The following SLC4A5 variants were observed in gnomAD, a reference collection of about 807,000 sequenced individuals.
SLC4A5 encodes solute carrier family 4 member 5.
Under a neutral mutation model 120.4 loss-of-function variants are expected in SLC4A5, and 96 were observed. The ratio of observed to expected loss-of-function variants is 0.80; its 90% CI spans 0.68 to 0.94. The LOEUF (loss-of-function observed/expected upper bound fraction) is 0.94. Among genes scored for constraint, SLC4A5 ranks in the 40% least tolerant of loss-of-function variants. The probability of loss-of-function intolerance (pLI) is 0.00; values close to 1 mark genes in which losing one functional copy is unlikely to be tolerated. For missense variants in SLC4A5, 1,259 were observed against 1,459.5 expected (o/e 0.86, Z 2.24); for synonymous variants, 550 against 571.1 (o/e 0.96, Z 0.53).
intron 24 of SLC4A5, among the ~76,000 whole-genome samples, chr2:74,232,079 T>C (rs538596541): frequency 6.6e-5 from 10 of 152,044 alleles, no homozygotes; most frequent in African/African-American, 2.4e-4. Context: ...TCTGGAGGAA[T>C]AGAGACTGAG....
intron 7 of SLC4A5, among the ~76,000 whole-genome samples, chr2:74,298,506 C>T (rs1672393088): frequency 6.6e-6 from 1 of 152,162 alleles, no homozygotes; most frequent in South Asian, 2.1e-4. Flanking sequence ...TAACATTGGT[C>T]TTGGCAGTGA....
chr2:74,244,332 T>C (rs550813885), intron 19 of SLC4A5, among the ~76,000 whole-genome samples: 1 of 152,134 alleles, frequency 6.6e-6, no homozygotes, highest in Non-Finnish European at 1.5e-5. Context: ...TCAATATACA[T>C]CTGCTTGGAC....
exon 21 of SLC4A5, chr2:74,239,487 T>C (rs1233530020): frequency 3.1e-6 from 5 of 1,613,760 alleles, no homozygotes; most frequent in Non-Finnish European, 4.2e-6. Flanking sequence ...AGACACTCCT[T>C]CTTGCTCAGC....
chr2:74,317,620 A>C (rs1328318818), intron 5 of SLC4A5, among the ~76,000 whole-genome samples: 1 of 152,232 alleles, frequency 6.6e-6, no homozygotes, highest in East Asian at 1.9e-4. Flanking sequence ...GACTAAAGCC[A>C]GGACAGAAGA....
At chr2:74,312,241 A>ATG (rs1322936461) in intron 6 of SLC4A5, among the ~76,000 whole-genome samples, 1,917 of 140,026 alleles carry the variant, frequency 0.014, 27 homozygotes, top group East Asian at 0.062. Flanking sequence ...GTGTGTGTGT[A>ATG]TATGTGTGTG....
chr2:74,343,017 CCA>C (rs1211639808), intron 1 of SLC4A5, among the ~76,000 whole-genome samples: 1 of 152,104 alleles, frequency 6.6e-6, no homozygotes, highest in Non-Finnish European at 1.5e-5. Context: ...GTCTGACATT[CCA>C]CAGATATGCA....
chr2:74,260,739 C>A (rs1302810189), intron 11 of SLC4A5, among the ~76,000 whole-genome samples: 1 of 152,180 alleles, frequency 6.6e-6, no homozygotes, highest in Non-Finnish European at 1.5e-5. Flanking sequence ...TCTCTGCCTT[C>A]CAATGTTGCC....
intron 26 of SLC4A5, 65 bp downstream of exon 26, chr2:74,227,745 T>C: frequency 6.2e-6 from 9 of 1,440,846 alleles, no homozygotes; most frequent in Non-Finnish European, 8.5e-6. Flanking sequence ...GGGGTCTTGG[T>C]GACATGGAAC....
At chr2:74,289,473 T>C (rs992474733) in intron 7 of SLC4A5, among the ~76,000 whole-genome samples, 2 of 152,132 alleles carry the variant, frequency 1.3e-5, no homozygotes, top group Non-Finnish European at 2.9e-5. Flanking sequence ...CATGTCACCA[T>C]GCCTGGCTAA....
At chr2:74,275,248 C>T (rs1011153368) in intron 8 of SLC4A5, among the ~76,000 whole-genome samples, 2 of 152,196 alleles carry the variant, frequency 1.3e-5, no homozygotes, top group Non-Finnish European at 2.9e-5. Context: ...CTCCCAAGCT[C>T]ATGCATTTGG....
intron 28 of SLC4A5, 23 bp downstream of exon 28, chr2:74,224,817 C>A (rs768126471): frequency 3.8e-6 from 6 of 1,599,626 alleles, no homozygotes; most frequent in South Asian, 1.1e-5. Flanking sequence ...CTCCTCTGTG[C>A]CCCGGCCTCA....
chr2:74,307,018 G>T, intron 6 of SLC4A5: 1 of 586,068 alleles, frequency 1.7e-6, no homozygotes, highest in Non-Finnish European at 3.2e-6. Context: ...TGCTCCATCT[G>T]CAGGGTGTAG....
intron 7 of SLC4A5, chr2:74,290,499 G>T (rs895432542): frequency 1.0e-6 from 1 of 985,002 alleles, no homozygotes; most frequent in Non-Finnish European, 1.2e-6. Flanking sequence ...TATATGTAGA[G>T]AGAATATAGG....
At position 74,265,957 on chromosome 2, in the gene SLC4A5, C is replaced by T. The variant is rs183406556; in HGVS notation, c.402-693G>A. 7.2e-5 allele frequency among the ~76,000 whole-genome samples: 11 copies of T among 152,230 alleles called. No individual in the cohort carries two copies. The East Asian group carries it at 1.4e-3, about 19-fold the overall frequency. Reference sequence around the variant, plus strand: ...TGCCAGGGGAGCAAGGAGTCCTGGCCGGAGACACCTAGCTCCCCTTTGTAA... The same window carrying T: ...TGCCAGGGGAGCAAGGAGTCCTGGCTGGAGACACCTAGCTCCCCTTTGTAA... On this transcript the variant is annotated intron_variant, in intron 8 of 30. Transcript: ENST00000394019.
chr2:74,341,766 G>A (rs144106518), intron 2 of SLC4A5, among the ~76,000 whole-genome samples: 3 of 152,206 alleles, frequency 2.0e-5, no homozygotes, highest in African/African-American at 7.2e-5. Flanking sequence ...CCCAGACTTA[G>A]AGTAAGAGGG....
intron 10 of SLC4A5, among the ~76,000 whole-genome samples, chr2:74,262,621 T>C (rs189197348): frequency 6.6e-6 from 1 of 151,006 alleles, no homozygotes; most frequent in East Asian, 2.0e-4. Flanking sequence ...ATCACTTGAA[T>C]CCAGGAGGCA....
At position 74,253,080 on chromosome 2, in the gene SLC4A5, C is replaced by T. The variant is rs151266062; in HGVS notation, c.1162G>A (p.Ala388Thr). 2.2e-5 allele frequency: 35 copies of T among 1,613,994 alleles called. No individual in the cohort carries two copies. Among genetic ancestry groups the T allele is most frequent in the Admixed American group, 5.0e-5 (3 of 59,996 alleles). The change falls in exon 15 of 31, where the codon GCA becomes ACA. Residue 388 changes from alanine to threonine, a missense_variant. Coordinates refer to ENST00000394019, the Ensembl canonical transcript of SLC4A5. Reference sequence around the variant, plus strand: ...TCATCCAGAAATTCATCAATTCCTGCGATCAGATCTTCCCGATTGCGGGCT... The same window carrying T: ...TCATCCAGAAATTCATCAATTCCTGTGATCAGATCTTCCCGATTGCGGGCT...
At chr2:74,263,303 C>T (rs1314946031) in intron 10 of SLC4A5, among the ~76,000 whole-genome samples, 2 of 152,162 alleles carry the variant, frequency 1.3e-5, no homozygotes, top group Admixed American at 6.5e-5. Context: ...CCAGGCTGGT[C>T]GCAAACTCCT....
At chr2:74,315,008 CCTCCTT>C (rs757495613) in exon 6 of SLC4A5, 1 of 1,613,814 alleles carries the variant, frequency 6.2e-7, no homozygotes, top group Non-Finnish European at 8.5e-7. Flanking sequence ...CCAGCCTTCT[CCTCCTT>C]CACCTTCATG....
Sources: gnomAD v4.1 joint callset for allele counts (sites outside exome capture counted in the v4.1 genomes callset) on GRCh38, gnomAD v4.1.1 for gene constraint, MANE v1.5 for transcripts, NCBI Gene and HGNC (gene_info 2026-07-23, HGNC 2026-07-21) for gene names.